VMP1: variants seen among roughly 807,000 people sequenced by gnomAD.
VMP1 encodes vacuole membrane protein 1.
In VMP1, 11 loss-of-function variants were observed where a neutral mutation model predicts 56.0. That is an observed-to-expected ratio of 0.20 (90% confidence interval 0.12 to 0.32). VMP1 has a LOEUF of 0.32. VMP1 is among the 10% of genes least tolerant of loss of function. The probability of loss-of-function intolerance (pLI) is 1.00; values close to 1 mark genes in which losing one functional copy is unlikely to be tolerated. For missense variants in VMP1, 296 were observed against 490.3 expected (o/e 0.60, Z 3.74); for synonymous variants, 149 against 165.0 (o/e 0.90, Z 0.74).
intron 7 of VMP1, chr17:59,784,723 TA>T (rs2036948544): frequency 6.6e-6 from 1 of 152,224 alleles, no homozygotes; most frequent in Non-Finnish European, 1.5e-5. Context: ...TATTTTGCTG[TA>T]AAATGTAATT....
chr17:59,750,950 GGA>G, intron 5 of VMP1, among the ~76,000 whole-genome samples: 1 of 16,860 alleles, frequency 5.9e-5, no homozygotes, highest in South Asian at 2.2e-3. Flanking sequence ...TTTTTTTTTT[GGA>G]GACAGAGTCT....
At chr17:59,826,877 G>A (rs1347770679) in intron 10 of VMP1, among the ~76,000 whole-genome samples, 1 of 152,178 alleles carries the variant, frequency 6.6e-6, no homozygotes, top group Non-Finnish European at 1.5e-5. Context: ...CTGGAAGTTG[G>A]AAATTTAGAC....
chr17:59,770,706 G>A (rs971736038), intron 6 of VMP1, among the ~76,000 whole-genome samples: 3 of 151,144 alleles, frequency 2.0e-5, no homozygotes, highest in Admixed American at 6.6e-5. Flanking sequence ...TCAGCCTCCC[G>A]AGTAGCTGGG....
intron 7 of VMP1, among the ~76,000 whole-genome samples, chr17:59,804,413 A>G (rs2037777149): frequency 6.6e-6 from 1 of 152,078 alleles, no homozygotes; most frequent in Non-Finnish European, 1.5e-5. Flanking sequence ...CAGGAGTTTG[A>G]CACCAGCCTG....
At position 59,836,638 on chromosome 17, in the gene VMP1, T is replaced by C. The variant is rs529086187; in HGVS notation, c.975-1657T>C. ...TCACAGATCAGTTCGTGTGTGTGTG[T>C]GCGCACACATGTGTGCGCATCTGCC... On this transcript the variant is annotated intron_variant, in intron 10 of 11. Coordinates refer to ENST00000262291, the MANE Select transcript of VMP1 (RefSeq NM_030938.5). Among the ~76,000 whole-genome samples, 25 of 152,114 alleles carry C rather than the reference T, an allele frequency of 1.6e-4. No homozygotes were observed. The South Asian group carries it at 2.9e-3, about 18-fold the overall frequency.
intron 5 of VMP1, among the ~76,000 whole-genome samples, chr17:59,761,025 C>T (rs1471413143): frequency 6.6e-6 from 1 of 152,146 alleles, no homozygotes; most frequent in Non-Finnish European, 1.5e-5. Flanking sequence ...GCCCCAGCCT[C>T]CCCAGTAGCT....
At chr17:59,807,741 A>C (rs112178359) in intron 7 of VMP1, among the ~76,000 whole-genome samples, 9,787 of 151,104 alleles carry the variant, frequency 0.065, 1,018 homozygotes, top group African/African-American at 0.22. Context: ...CTGAGGCGAG[A>C]GAATCACTTG....
chr17:59,725,891 A>G (rs2034583312), intron 1 of VMP1, among the ~76,000 whole-genome samples: 1 of 152,228 alleles, frequency 6.6e-6, no homozygotes, highest in South Asian at 2.1e-4. Flanking sequence ...GCAATAGCTT[A>G]AAAACAAAAC....
At chr17:59,836,199 TC>T (rs2038975344) in intron 10 of VMP1, among the ~76,000 whole-genome samples, 2 of 151,446 alleles carry the variant, frequency 1.3e-5, no homozygotes, top group African/African-American at 4.8e-5. Flanking sequence ...CATTAAAGAA[TC>T]TTTTTTTTAT....
At chr17:59,763,032 G>A (rs1460689389) in intron 5 of VMP1, among the ~76,000 whole-genome samples, 1 of 152,066 alleles carries the variant, frequency 6.6e-6, no homozygotes, top group Admixed American at 6.5e-5. Context: ...TAGCCAAAGA[G>A]GACAGTAACA....
chr17:59,833,825 C>A (rs1431830299), intron 10 of VMP1, among the ~76,000 whole-genome samples: 1 of 152,174 alleles, frequency 6.6e-6, no homozygotes, highest in Non-Finnish European at 1.5e-5. Context: ...TATTTCCAGT[C>A]CCTTCCTCAT....
intron 10 of VMP1, among the ~76,000 whole-genome samples, chr17:59,825,764 C>G (rs1029817395): frequency 6.6e-6 from 1 of 152,212 alleles, no homozygotes; most frequent in East Asian, 1.9e-4. Flanking sequence ...TTTGCTGTCT[C>G]CTATTTCTGA....
intron 5 of VMP1, among the ~76,000 whole-genome samples, chr17:59,748,052 C>A (rs543145228): frequency 1.3e-5 from 2 of 151,762 alleles, no homozygotes; most frequent in African/African-American, 4.8e-5. Context: ...AAAAATTAGC[C>A]AGGTGTGGTG....
At chr17:59,796,714 T>G (rs892481106) in intron 7 of VMP1, among the ~76,000 whole-genome samples, 1 of 152,232 alleles carries the variant, frequency 6.6e-6, no homozygotes, top group Non-Finnish European at 1.5e-5. Flanking sequence ...TTTCTTGCTT[T>G]AACTTACTCA....
In VMP1 at chr17:59,812,134, G is replaced by T. The variant is rs189032767; in HGVS notation, c.912+348G>T. Among the ~76,000 whole-genome samples, 3 of 152,234 alleles carry T rather than the reference G, an allele frequency of 2.0e-5. No homozygotes were observed. The East Asian group carries it at 5.8e-4, about 29-fold the overall frequency. ...TTTTTATATACACAGCCCAAAAAAT[G>T]TAGTTTTTTGTTTGTTTTGTTTTGT... is the stretch of plus-strand genomic sequence containing the variant. On this transcript the variant is annotated intron_variant, in intron 9 of 11. Coordinates refer to ENST00000262291, the MANE Select transcript of VMP1 (RefSeq NM_030938.5).
chr17:59,807,199 GTT>G (rs376878801), intron 7 of VMP1, among the ~76,000 whole-genome samples: 4 of 132,624 alleles, frequency 3.0e-5, no homozygotes, highest in Admixed American at 1.5e-4. Context: ...TTGTTTTTTT[GTT>G]TTTTTTTTTT....
intron 6 of VMP1, among the ~76,000 whole-genome samples, chr17:59,768,495 C>T (rs968851350): frequency 1.6e-4 from 25 of 151,552 alleles, no homozygotes; most frequent in African/African-American, 4.4e-4. Context: ...CACTGCTACT[C>T]GGGATGCTGA....
intron 7 of VMP1, among the ~76,000 whole-genome samples, chr17:59,783,175 G>C (rs1046163629): frequency 3.9e-5 from 6 of 152,118 alleles, no homozygotes; most frequent in Admixed American, 2.0e-4. Flanking sequence ...CAGCCTGGGC[G>C]ACAGAGCGAG....
intron 7 of VMP1, 101 bp downstream of exon 7, chr17:59,773,986 AGT>A: frequency 1.7e-6 from 2 of 1,156,946 alleles, no homozygotes; most frequent in Non-Finnish European, 1.1e-6. Flanking sequence ...AAACTGCTAA[AGT>A]AAAAAAAAAA....
Sources: gnomAD v4.1 joint callset for allele counts (sites outside exome capture counted in the v4.1 genomes callset) on GRCh38, gnomAD v4.1.1 for gene constraint, MANE v1.5 for transcripts, NCBI Gene and HGNC (gene_info 2026-07-23, HGNC 2026-07-21) for gene names.